FSTL5: variants seen among roughly 807,000 people sequenced by gnomAD.
The protein encoded by FSTL5 is follistatin-related protein 5.
A neutral mutation model predicts 89.1 loss-of-function variants in FSTL5; 62 were observed. The ratio of observed to expected loss-of-function variants is 0.70; its 90% CI spans 0.57 to 0.86. FSTL5 has a LOEUF of 0.86. Ranked by LOEUF, FSTL5 falls within the 40% of genes least tolerant of loss-of-function variation. The probability of loss-of-function intolerance (pLI) is 0.00; values close to 1 mark genes in which losing one functional copy is unlikely to be tolerated. For synonymous variants in FSTL5, 383 were observed against 346.2 expected (o/e 1.11, Z -1.18); for missense variants, 1,057 against 1,001.6 (o/e 1.06, Z -0.75).
At chr4:161,967,428 G>A (rs2111002377) in intron 3 of FSTL5, among the ~76,000 whole-genome samples, 1 of 151,322 alleles carries the variant, frequency 6.6e-6, no homozygotes, top group East Asian at 1.9e-4. Flanking sequence ...AAGAAGAAAA[G>A]AAAGGTAAAA....
intron 13 of FSTL5, among the ~76,000 whole-genome samples, chr4:161,471,510 T>C (rs1240513446): frequency 1.3e-5 from 2 of 152,190 alleles, no homozygotes; most frequent in Non-Finnish European, 2.9e-5. Flanking sequence ...GAGCTGTGGG[T>C]GTGTTTTCTT....
chr4:161,542,854 G>A (rs1410600100), intron 8 of FSTL5, among the ~76,000 whole-genome samples, 161 bp from the exon 9 acceptor site: 4 of 151,996 alleles, frequency 2.6e-5, no homozygotes, highest in African/African-American at 9.7e-5. Flanking sequence ...CCACTGAAAT[G>A]TACCAGTGTT....
At chr4:161,860,148 C>T (rs571112567) in intron 4 of FSTL5, among the ~76,000 whole-genome samples, 1 of 151,886 alleles carries the variant, frequency 6.6e-6, no homozygotes, top group South Asian at 2.1e-4. Flanking sequence ...ATTAGCCGGG[C>T]GTGGTGGCGG....
intron 4 of FSTL5, among the ~76,000 whole-genome samples, chr4:161,801,899 G>A (rs934276782): frequency 3.3e-5 from 5 of 151,482 alleles, no homozygotes; most frequent in African/African-American, 1.2e-4. Context: ...CAAATAAATT[G>A]CAGAATATGG....
chr4:161,610,185 G>T (rs1734587398), intron 7 of FSTL5, among the ~76,000 whole-genome samples: 1 of 151,818 alleles, frequency 6.6e-6, no homozygotes, highest in African/African-American at 2.4e-5. Context: ...ACAATATGAG[G>T]TTTAAAAAAT....
intron 3 of FSTL5, among the ~76,000 whole-genome samples, chr4:161,984,232 T>C (rs1235606836): frequency 2.6e-5 from 4 of 152,054 alleles, no homozygotes; most frequent in African/African-American, 4.8e-5. Context: ...TTACTAATAA[T>C]TTTTTTCTAA....
chr4:161,872,661 A>G (rs987767553), intron 4 of FSTL5, among the ~76,000 whole-genome samples: 7 of 152,162 alleles, frequency 4.6e-5, no homozygotes, highest in Admixed American at 1.3e-4. Context: ...GTGACAGACG[A>G]AGGCAAATTC....
chr4:161,751,591 A>G (rs567170007), intron 6 of FSTL5, among the ~76,000 whole-genome samples: 1 of 150,756 alleles, frequency 6.6e-6, no homozygotes, highest in South Asian at 2.1e-4. Context: ...GCTGGGCAAC[A>G]TAGCAAAGTC....
chr4:161,646,989 A>G (rs554041363), intron 7 of FSTL5, among the ~76,000 whole-genome samples: 60 of 152,266 alleles, frequency 3.9e-4, no homozygotes, highest in Non-Finnish European at 7.5e-4. Context: ...TGCTATGCAG[A>G]AACTATTTAG....
At chr4:161,452,498 A>C (rs1392383328) in intron 15 of FSTL5, among the ~76,000 whole-genome samples, 1 of 152,014 alleles carries the variant, frequency 6.6e-6, no homozygotes, top group Admixed American at 6.6e-5. Flanking sequence ...GAAATATACT[A>C]TATGAAATTG....
intron 6 of FSTL5, among the ~76,000 whole-genome samples, chr4:161,712,783 C>T (rs1738843031): frequency 6.7e-6 from 1 of 150,006 alleles, no homozygotes; most frequent in Non-Finnish European, 1.5e-5. Flanking sequence ...TCACCTCTCT[C>T]TCTCTTTCTG....
chr4:162,109,424 G>T (rs1171530689), intron 2 of FSTL5, among the ~76,000 whole-genome samples: 1 of 151,986 alleles, frequency 6.6e-6, no homozygotes, highest in Non-Finnish European at 1.5e-5. Context: ...AGTTAGATAT[G>T]ACCAGGCATT....
chr4:161,887,550 C>T (rs575373304), intron 4 of FSTL5, among the ~76,000 whole-genome samples: 1 of 152,146 alleles, frequency 6.6e-6, no homozygotes, highest in East Asian at 1.9e-4. Flanking sequence ...GTTTCTCAGA[C>T]ATTTTATCTT....
At chr4:161,699,789 T>C (rs1203114667) in intron 6 of FSTL5, among the ~76,000 whole-genome samples, 1 of 152,168 alleles carries the variant, frequency 6.6e-6, no homozygotes, top group Non-Finnish European at 1.5e-5. Context: ...GGTCTGTATC[T>C]GATGCCAGAG....
At chr4:162,046,045 T>C (rs1194229054) in intron 2 of FSTL5, among the ~76,000 whole-genome samples, 9 of 152,142 alleles carry the variant, frequency 5.9e-5, no homozygotes, top group African/African-American at 9.6e-5. Flanking sequence ...AAATTTTAAA[T>C]ATCATTGGAA....
At chr4:161,804,758 G>T (rs1244498875) in intron 4 of FSTL5, among the ~76,000 whole-genome samples, 1 of 152,078 alleles carries the variant, frequency 6.6e-6, no homozygotes, top group Non-Finnish European at 1.5e-5. Context: ...GGAAGAGAAT[G>T]TAGGTAATTA....
intron 3 of FSTL5, among the ~76,000 whole-genome samples, chr4:162,023,999 T>C (rs1737190174): frequency 6.6e-6 from 1 of 152,098 alleles, no homozygotes; most frequent in African/African-American, 2.4e-5. Flanking sequence ...GAAGGCTAAC[T>C]GCAAAGGGAT....
At chr4:161,472,300 C>T (rs1008911109) in intron 13 of FSTL5, among the ~76,000 whole-genome samples, 1 of 152,152 alleles carries the variant, frequency 6.6e-6, no homozygotes, top group African/African-American at 2.4e-5. Context: ...TTTTAAAGAA[C>T]TAACTTTTGG....
At chr4:161,445,592 G>T (rs1297033729) in intron 15 of FSTL5, among the ~76,000 whole-genome samples, 3 of 151,884 alleles carry the variant, frequency 2.0e-5, no homozygotes, top group Non-Finnish European at 4.4e-5. Context: ...AATATTAAAA[G>T]ATGTTAAAAC....
Sources: gnomAD v4.1 joint callset for allele counts (sites outside exome capture counted in the v4.1 genomes callset) on GRCh38, gnomAD v4.1.1 for gene constraint, MANE v1.5 for transcripts, NCBI Gene and HGNC (gene_info 2026-07-23, HGNC 2026-07-21) for gene names.